The following ACTR3C variants were observed in gnomAD, a reference collection of about 807,000 sequenced individuals.
ACTR3C encodes actin-related protein 3C.
In ACTR3C, 18 loss-of-function variants were observed where a neutral mutation model predicts 26.3. The ratio of observed to expected loss-of-function variants is 0.68; its 90% CI spans 0.47 to 1.01. The LOEUF is 1.01. Ranked by LOEUF, ACTR3C falls within the 50% of genes least tolerant of loss-of-function variation. The pLI is 0.00. For synonymous variants in ACTR3C, 55 were observed against 94.5 expected (o/e 0.58, Z 2.42); for missense variants, 184 against 250.7 (o/e 0.73, Z 1.80).
the ACTR3C span, among the ~76,000 whole-genome samples, chr7:150,009,514 C>T: frequency 6.6e-6 from 1 of 152,194 alleles, no homozygotes; most frequent in Non-Finnish European, 1.5e-5. Flanking sequence ...TTAATAATCC[C>T]CAAATGCAGT....
At chr7:150,169,489 G>T in the ACTR3C span, among the ~76,000 whole-genome samples, 3 of 150,032 alleles carry the variant, frequency 2.0e-5, no homozygotes, top group Non-Finnish European at 4.4e-5. Flanking sequence ...AAGCCAGGAA[G>T]AAAGAATTCA....
the ACTR3C span, among the ~76,000 whole-genome samples, chr7:150,226,339 C>CAA: frequency 6.6e-6 from 1 of 152,162 alleles, no homozygotes; most frequent in African/African-American, 2.4e-5. Flanking sequence ...GCTCCTATTG[C>CAA]TCTGCTTCCT....
chr7:149,891,655 T>C, the ACTR3C span, among the ~76,000 whole-genome samples: 1 of 151,018 alleles, frequency 6.6e-6, no homozygotes, highest in Admixed American at 6.6e-5. Flanking sequence ...CAAGACACTG[T>C]CTCTACAAAA....
At chr7:149,899,032 A>C in the ACTR3C span, among the ~76,000 whole-genome samples, 2 of 152,026 alleles carry the variant, frequency 1.3e-5, no homozygotes, top group Non-Finnish European at 1.5e-5. Flanking sequence ...AGTGAGTGTC[A>C]ACAAAGGCCA....
chr7:150,006,058 G>A, the ACTR3C span, among the ~76,000 whole-genome samples: 4 of 152,060 alleles, frequency 2.6e-5, no homozygotes, highest in East Asian at 5.8e-4. Context: ...CAGGGGAGGT[G>A]GAGGATTCCT....
At chr7:150,041,163 A>G in the ACTR3C span, among the ~76,000 whole-genome samples, 1 of 150,242 alleles carries the variant, frequency 6.7e-6, no homozygotes, top group Non-Finnish European at 1.5e-5. Flanking sequence ...CTCATGAAAA[A>G]CTTGCTGTTG....
the ACTR3C span, among the ~76,000 whole-genome samples, chr7:149,913,645 TG>T: frequency 4.0e-5 from 6 of 151,434 alleles, no homozygotes; most frequent in Admixed American, 3.3e-4. Flanking sequence ...CAGAGAAGGC[TG>T]GGCATCTGTG....
chr7:150,272,287 G>A (rs1214361741), intron 6 of ACTR3C, among the ~76,000 whole-genome samples: 2 of 139,364 alleles, frequency 1.4e-5, no homozygotes, highest in African/African-American at 3.1e-5. Context: ...GCTGAGGGGC[G>A]GGATCAGGAG....
At chr7:150,058,118 C>T in the ACTR3C span, among the ~76,000 whole-genome samples, 9 of 152,264 alleles carry the variant, frequency 5.9e-5, no homozygotes, top group East Asian at 1.9e-4. Context: ...CTTGGCATGA[C>T]GGAAGAGTTC....
At chr7:149,946,368 C>T in the ACTR3C span, among the ~76,000 whole-genome samples, 1 of 152,210 alleles carries the variant, frequency 6.6e-6, no homozygotes, top group Admixed American at 6.5e-5. Context: ...GCAGATGTGC[C>T]CTCGGGCCTT....
At chr7:150,154,775 C>T in the ACTR3C span, among the ~76,000 whole-genome samples, 1 of 151,990 alleles carries the variant, frequency 6.6e-6, no homozygotes, top group African/African-American at 2.4e-5. Context: ...TGTAATTTAG[C>T]CACATGCAGA....
At chr7:149,985,758 T>C in the ACTR3C span, among the ~76,000 whole-genome samples, 10 of 152,304 alleles carry the variant, frequency 6.6e-5, no homozygotes, top group Non-Finnish European at 1.3e-4. Context: ...CCCATGGTAC[T>C]TGTCAAAGCC....
rs184150226 is a variant in ACTR3C, at chr7:150,294,550, C to T, written c.45+702G>A. Among the ~76,000 whole-genome samples, 406 of 152,312 alleles carry T rather than the reference C, an allele frequency of 2.7e-3. 2 individuals carry two copies. Among genetic ancestry groups the T allele is most frequent in the African/African-American group, 9.3e-3 (385 of 41,554 alleles). On this transcript the variant is annotated intron_variant, in intron 2 of 7. Transcript: ENST00000683684. ...TGGAAGTGCTAGAATACATAGATTT[C>T]GACACAGGAATGCTCAGAGCCTGGA...
At chr7:149,956,802 C>T in the ACTR3C span, among the ~76,000 whole-genome samples, 1 of 152,074 alleles carries the variant, frequency 6.6e-6, no homozygotes, top group Non-Finnish European at 1.5e-5. Flanking sequence ...GCAGGAGTCC[C>T]AAGATATCAC....
chr7:150,291,149 G>C (rs549733075), intron 3 of ACTR3C, among the ~76,000 whole-genome samples: 7 of 152,306 alleles, frequency 4.6e-5, no homozygotes, highest in Admixed American at 1.3e-4. Context: ...AAAGAGCTTA[G>C]GCCGGGCATA....
At chr7:150,212,322 T>G in the ACTR3C span, among the ~76,000 whole-genome samples, 2 of 149,248 alleles carry the variant, frequency 1.3e-5, no homozygotes, top group African/African-American at 5.2e-5. Flanking sequence ...CAATTACTAC[T>G]CATTTACTGC....
At chr7:150,081,244 A>G in the ACTR3C span, among the ~76,000 whole-genome samples, 1 of 151,446 alleles carries the variant, frequency 6.6e-6, no homozygotes, top group South Asian at 2.1e-4. Flanking sequence ...AAATAGAGAG[A>G]TAAAGAAAAA....
At chr7:150,240,975 T>G (rs1832146765), downstream of ACTR3C, among the ~76,000 whole-genome samples, 1 of 152,158 alleles carries the variant, frequency 6.6e-6, no homozygotes, top group Admixed American at 6.5e-5. Flanking sequence ...ATAAAACTAT[T>G]AGTAATAAAT....
the ACTR3C span, among the ~76,000 whole-genome samples, chr7:150,008,259 C>T: frequency 6.6e-6 from 1 of 151,960 alleles, no homozygotes; most frequent in African/African-American, 2.4e-5. Context: ...TTTTGTAGGG[C>T]ACACAACTTT....
Sources: allele counts gnomAD v4.1 joint callset (sites outside exome capture counted in the v4.1 genomes callset), GRCh38; gene constraint gnomAD v4.1.1; transcripts MANE v1.5; gene names NCBI Gene and HGNC (gene_info 2026-07-23, HGNC 2026-07-21).